The following SOS1 variants were observed in gnomAD, a reference collection of about 807,000 sequenced individuals.
SOS1 encodes the protein SOS Ras/Rac guanine nucleotide exchange factor 1, also known as son of sevenless homolog 1.
Under a neutral mutation model 157.6 loss-of-function variants are expected in SOS1, and 25 were observed. The ratio of observed to expected loss-of-function variants is 0.16; its 90% CI spans 0.12 to 0.22. The LOEUF (loss-of-function observed/expected upper bound fraction) is 0.22. SOS1 is among the 10% of genes least tolerant of loss of function. The pLI is 1.00. For synonymous variants in SOS1, 528 were observed against 534.0 expected (o/e 0.99, Z 0.16); for missense variants, 1,237 against 1,599.1 (o/e 0.77, Z 3.86).
At chr2:39,034,004 A>G (rs1216270165) in intron 8 of SOS1, among the ~76,000 whole-genome samples, 2 of 152,164 alleles carry the variant, frequency 1.3e-5, no homozygotes, top group Non-Finnish European at 2.9e-5. Context: ...ATGTCCCATT[A>G]TAACTATAGT....
At chr2:39,097,799 A>G (rs1238514968) in intron 1 of SOS1, among the ~76,000 whole-genome samples, 1 of 152,144 alleles carries the variant, frequency 6.6e-6, no homozygotes, top group Non-Finnish European at 1.5e-5. Context: ...TCCTGAGCTC[A>G]AGCAATCCAC....
At chr2:39,118,346 A>C (rs995835768) in intron 1 of SOS1, among the ~76,000 whole-genome samples, 10 of 152,264 alleles carry the variant, frequency 6.6e-5, no homozygotes, top group African/African-American at 2.2e-4. Flanking sequence ...TATCCACATG[A>C]AATGTCCAGC....
intron 17 of SOS1, among the ~76,000 whole-genome samples, chr2:39,002,497 C>T (rs940222512): frequency 6.6e-6 from 1 of 151,984 alleles, no homozygotes; most frequent in African/African-American, 2.4e-5. Context: ...GTCTGTGTAC[C>T]GGAGACCATG....
At chr2:39,029,974 C>A (rs1035993815) in intron 8 of SOS1, among the ~76,000 whole-genome samples, 1 of 151,748 alleles carries the variant, frequency 6.6e-6, no homozygotes, top group Non-Finnish European at 1.5e-5. Context: ...TGAGACCACC[C>A]TGGGCAACAG....
chr2:39,049,038 G>A (rs898336403), intron 6 of SOS1, among the ~76,000 whole-genome samples: 3 of 151,682 alleles, frequency 2.0e-5, no homozygotes, highest in East Asian at 2.0e-4. Context: ...CTGCCTCAGC[G>A]TCCCGAGTAG....
rs1057517892 is a variant in SOS1, at chr2:38,995,213, G to A, written c.3256C>T (p.Pro1086Ser). Residue 1086 changes from proline (P) to serine (S), a missense_variant, in exon 20 of 23, where the codon CCG (proline) becomes TCG (serine). Around this residue, in one of 15 missense-constraint regions of SOS1, gnomAD observed 306 missense variants for 322.6 expected, o/e 0.95. Coordinates refer to ENST00000402219, the MANE Select transcript of SOS1 (RefSeq NM_005633.4). ...TASAPNSPRT[P>S]LTPPPASGAS... The stretch of plus-strand genomic sequence containing the variant: ...CCAGAAGCAGGCGGAGGTGTTAACG[G>A]TGTTCTTGGAGAATTTGGTGCAGAT... 6.2e-7 allele frequency: 1 copy of A among 1,613,988 alleles called. No individual in the cohort carries two copies.
chr2:39,047,212 G>A (rs1432248829), intron 6 of SOS1, among the ~76,000 whole-genome samples: 1 of 152,140 alleles, frequency 6.6e-6, no homozygotes, highest in Admixed American at 6.5e-5. Context: ...ATTATACTCA[G>A]TATTATGTTG....
At chr2:39,014,958 G>A in intron 10 of SOS1, 112 bp from the exon 11 acceptor site, 3 of 701,734 alleles carry the variant, frequency 4.3e-6, no homozygotes, top group Non-Finnish European at 5.1e-6. Context: ...GTTCCAAAAT[G>A]TTTTGCCAAG....
At chr2:39,059,641 A>C (rs1277291545) in intron 2 of SOS1, among the ~76,000 whole-genome samples, 1 of 152,232 alleles carries the variant, frequency 6.6e-6, no homozygotes, top group African/African-American at 2.4e-5. Context: ...ATTAAACATC[A>C]TCATAATTAT....
At chr2:39,011,485 A>T (rs1669471144) in intron 14 of SOS1, among the ~76,000 whole-genome samples, 1 of 152,200 alleles carries the variant, frequency 6.6e-6, no homozygotes, top group Non-Finnish European at 1.5e-5. Flanking sequence ...GGTCCTAGGA[A>T]ATAAAATAGA....
At chr2:39,106,325 T>C (rs865866863) in intron 1 of SOS1, among the ~76,000 whole-genome samples, 7 of 151,880 alleles carry the variant, frequency 4.6e-5, no homozygotes, top group South Asian at 4.1e-4. Flanking sequence ...GCGCGGTGGC[T>C]CACGCCTGTA....
chr2:39,002,185 G>A (rs988098340), intron 17 of SOS1, among the ~76,000 whole-genome samples: 6 of 152,098 alleles, frequency 3.9e-5, no homozygotes, highest in African/African-American at 1.4e-4. Context: ...AATTAGCCGG[G>A]TGTGGTGGTG....
chr2:39,100,159 A>C (rs760180435), intron 1 of SOS1, among the ~76,000 whole-genome samples: 1 of 152,236 alleles, frequency 6.6e-6, no homozygotes, highest in South Asian at 2.1e-4. Context: ...TCTTTTGGTA[A>C]GAGATAACAA....
intron 1 of SOS1, among the ~76,000 whole-genome samples, chr2:39,091,111 C>T (rs1672578804): frequency 6.6e-6 from 1 of 152,150 alleles, no homozygotes; most frequent in Non-Finnish European, 1.5e-5. Context: ...TCAGGTGATC[C>T]ACCCGCCTTG....
At chr2:38,991,906 A>C (rs937213238) in intron 20 of SOS1, among the ~76,000 whole-genome samples, 2 of 152,206 alleles carry the variant, frequency 1.3e-5, no homozygotes, top group African/African-American at 2.4e-5. Context: ...TTAAAAGTAG[A>C]TTATTTTGGG....
chr2:39,062,510 GA>G (rs761930520), intron 2 of SOS1, among the ~76,000 whole-genome samples: 2 of 135,976 alleles, frequency 1.5e-5, no homozygotes, highest in East Asian at 2.2e-4. Context: ...AAAAGCTAAA[GA>G]AAAAAAATGA....
intron 1 of SOS1, among the ~76,000 whole-genome samples, chr2:39,119,604 C>T (rs544425370): frequency 3.1e-4 from 47 of 152,298 alleles, no homozygotes; most frequent in African/African-American, 1.1e-3. Flanking sequence ...GCTTTAAAAA[C>T]GTAAGAACAC....
intron 1 of SOS1, among the ~76,000 whole-genome samples, chr2:39,092,674 T>C (rs1672636713): frequency 6.6e-6 from 1 of 152,202 alleles, no homozygotes; most frequent in African/African-American, 2.4e-5. Context: ...GTGGGTTGAA[T>C]GAATAAATGA....
chr2:39,025,801 C>T (rs1158301408), intron 8 of SOS1, among the ~76,000 whole-genome samples: 1 of 152,158 alleles, frequency 6.6e-6, no homozygotes, highest in Non-Finnish European at 1.5e-5. Flanking sequence ...CATGCATGCG[C>T]ATGCACATAC....
Sources: allele counts gnomAD v4.1 joint callset (sites outside exome capture counted in the v4.1 genomes callset), GRCh38; gene constraint gnomAD v4.1.1; regional missense constraint gnomAD v4.1.1; transcripts MANE v1.5; gene names NCBI Gene and HGNC (gene_info 2026-07-23, HGNC 2026-07-21).